HIRA: variants seen among roughly 807,000 people sequenced by gnomAD.
HIRA encodes the protein histone cell cycle regulator, also known as protein HIRA.
HIRA carries 13 observed loss-of-function variants against 126.6 expected under a neutral mutation model. That is an observed-to-expected ratio of 0.10 (90% confidence interval 0.07 to 0.16). HIRA has a LOEUF of 0.16. Ranked by LOEUF, HIRA falls within the 10% of genes least tolerant of loss-of-function variation. The pLI, the probability that HIRA is intolerant of heterozygous loss-of-function variation, is 1.00. For synonymous variants in HIRA, 511 were observed against 520.0 expected (o/e 0.98, Z 0.24); for missense variants, 834 against 1,314.4 (o/e 0.63, Z 5.65).
At chr22:19,373,724 C>A (rs1484856131) in intron 15 of HIRA, among the ~76,000 whole-genome samples, 1 of 152,156 alleles carries the variant, frequency 6.6e-6, no homozygotes, top group African/African-American at 2.4e-5. Flanking sequence ...AACTTCTCTG[C>A]TAGTTCTTGT....
chr22:19,338,390 A>G (rs1399979449), intron 24 of HIRA, among the ~76,000 whole-genome samples: 16 of 142,626 alleles, frequency 1.1e-4, no homozygotes, highest in African/African-American at 4.1e-4. Flanking sequence ...CACAGGGTCT[A>G]TAAAACAATA....
At chr22:19,394,042 C>G (rs2089203488) in intron 8 of HIRA, among the ~76,000 whole-genome samples, 1 of 152,230 alleles carries the variant, frequency 6.6e-6, no homozygotes, top group East Asian at 1.9e-4. Flanking sequence ...AAGCACAGTG[C>G]TTGGTGGGTA....
intron 1 of HIRA, among the ~76,000 whole-genome samples, chr22:19,418,548 C>G (rs2089417685): frequency 6.6e-6 from 1 of 151,890 alleles, no homozygotes; most frequent in Admixed American, 6.6e-5. Context: ...AGGAGAATGG[C>G]ATGAACCTGG....
intron 24 of HIRA, among the ~76,000 whole-genome samples, chr22:19,338,022 C>G (rs1250892472): frequency 6.6e-6 from 1 of 152,096 alleles, no homozygotes; most frequent in African/African-American, 2.4e-5. Context: ...GAACTCCTGA[C>G]CTTAAATGAT....
intron 5 of HIRA, among the ~76,000 whole-genome samples, chr22:19,400,097 T>C (rs1010170868): frequency 6.6e-6 from 1 of 152,248 alleles, no homozygotes; most frequent in African/African-American, 2.4e-5. Context: ...ACACATATAA[T>C]GCAGCTATTA....
In HIRA at chr22:19,332,060, C is replaced by A. The variant is rs181992296; in HGVS notation, c.2938-504G>T. Among the ~76,000 whole-genome samples the A allele has an allele frequency of 3.6e-3, 554 of 152,320 alleles. 1 individual carries two copies. The highest frequency in any genetic ancestry group is 6.1e-3 in the Non-Finnish European group (417 of 68,026). On this transcript the variant is annotated intron_variant, in intron 24 of 24. Coordinates refer to ENST00000263208, the MANE Select transcript of HIRA (RefSeq NM_003325.4). Reference sequence around the variant, plus strand: ...GATGTGGAGGATGTTCGGATGCTGACCAAACTATGCTTAGTTGCCTAAACA... The same window carrying A: ...GATGTGGAGGATGTTCGGATGCTGAACAAACTATGCTTAGTTGCCTAAACA...
At chr22:19,380,022 A>T (rs563819146) in intron 13 of HIRA, among the ~76,000 whole-genome samples, 38 of 152,176 alleles carry the variant, frequency 2.5e-4, no homozygotes, top group African/African-American at 8.9e-4. Context: ...GTTGGCCAGG[A>T]TGGTCTTGAT....
chr22:19,427,549 A>T (rs2089498103), intron 1 of HIRA, among the ~76,000 whole-genome samples: 1 of 152,212 alleles, frequency 6.6e-6, no homozygotes, highest in African/African-American at 2.4e-5. Context: ...CAATCGCAGG[A>T]CAGGAGAAAA....
Position 19,354,030 on chromosome 22 carries a change from C to T in HIRA, c.2650G>A (p.Gly884Arg). 6.2e-7 allele frequency: 1 copy of T among 1,613,486 alleles called. No homozygotes were observed. Among genetic ancestry groups the T allele is most frequent in the Non-Finnish European group, 8.5e-7 (1 of 1,179,822 alleles). The change falls in exon 22 of 25, where the codon GGA becomes AGA. Residue 884 changes from glycine (G) to arginine (R), a missense_variant. By Grantham distance (125) the Gly-to-Arg change is moderately radical (BLOSUM62 -2). Around this residue, in one of 5 missense-constraint regions of HIRA, gnomAD observed 468 missense variants for 574.2 expected, o/e 0.82. Coordinates refer to ENST00000263208, the MANE Select transcript of HIRA (RefSeq NM_003325.4). ...LPSQDAMLCS[G>R]PLAIIQGRTS... ...CGGCCCTGGATTATGGCTAACGGTC[C>T]TGAGCACAGCATGGCGTCCTGGGAT... is the stretch of plus-strand genomic sequence containing the variant.
chr22:19,431,085 G>A (rs1398906471), intron 1 of HIRA, among the ~76,000 whole-genome samples: 1 of 152,170 alleles, frequency 6.6e-6, no homozygotes, highest in Non-Finnish European at 1.5e-5. Context: ...TCACCTTCAG[G>A]ACCGTCTGAG....
At chr22:19,413,284 G>C (rs2089368631) in intron 1 of HIRA, among the ~76,000 whole-genome samples, 1 of 152,124 alleles carries the variant, frequency 6.6e-6, no homozygotes, top group African/African-American at 2.4e-5. Flanking sequence ...AGGCTCCAGG[G>C]GAAGGCAGGG....
chr22:19,353,329 G>A, intron 23 of HIRA, 27 bp downstream of exon 23: 1 of 1,611,898 alleles, frequency 6.2e-7, no homozygotes, highest in Non-Finnish European at 8.5e-7. Flanking sequence ...GAAGGAGAAG[G>A]CTGCTCAGGG....
At chr22:19,396,015 A>G (rs911161199) in intron 7 of HIRA, among the ~76,000 whole-genome samples, 9 of 152,198 alleles carry the variant, frequency 5.9e-5, no homozygotes, top group African/African-American at 2.2e-4. Context: ...CCAGGAAAAA[A>G]GGCCCCTGAA....
intron 15 of HIRA, among the ~76,000 whole-genome samples, chr22:19,371,610 C>T (rs967090431): frequency 6.9e-6 from 1 of 145,606 alleles, no homozygotes; most frequent in African/African-American, 2.8e-5. Flanking sequence ...AAACTCTGTA[C>T]CCATTGGTAC....
chr22:19,385,127 T>G (rs2089114399), intron 12 of HIRA, among the ~76,000 whole-genome samples: 1 of 152,122 alleles, frequency 6.6e-6, no homozygotes, highest in African/African-American at 2.4e-5. Context: ...TTCCCTACCC[T>G]TTTCCCGCCC....
chr22:19,404,846 T>C (rs2089295801), intron 5 of HIRA, among the ~76,000 whole-genome samples: 2 of 152,196 alleles, frequency 1.3e-5, no homozygotes, highest in South Asian at 4.1e-4. Flanking sequence ...CATACCTCTC[T>C]GTGCCCTATC....
chr22:19,410,599 A>G (rs2089344510), intron 2 of HIRA, 117 bp downstream of exon 2: 2 of 738,074 alleles, frequency 2.7e-6, no homozygotes, highest in South Asian at 3.2e-5. Flanking sequence ...CATTTTAAAC[A>G]GCGTTGCATC....
At chr22:19,372,684 G>C (rs1484203103) in intron 15 of HIRA, among the ~76,000 whole-genome samples, 1 of 149,700 alleles carries the variant, frequency 6.7e-6, no homozygotes, top group South Asian at 2.1e-4. Context: ...TGATTCTCTT[G>C]TCTCAGCCTA....
intron 15 of HIRA, among the ~76,000 whole-genome samples, chr22:19,372,330 T>C (rs982207392): frequency 2.0e-5 from 3 of 152,236 alleles, no homozygotes. Flanking sequence ...ATTTCCCTGA[T>C]GGCTAATGAT....
Sources: allele counts gnomAD v4.1 joint callset (sites outside exome capture counted in the v4.1 genomes callset), GRCh38; gene constraint gnomAD v4.1.1; regional missense constraint gnomAD v4.1.1; transcripts MANE v1.5; gene names NCBI Gene and HGNC (gene_info 2026-07-23, HGNC 2026-07-21).